The following SLC28A1 variants were observed in gnomAD, a reference collection of about 807,000 sequenced individuals.
SLC28A1 encodes sodium/nucleoside cotransporter 1.
In SLC28A1, 64 loss-of-function variants were observed where a neutral mutation model predicts 74.8. That is an observed-to-expected ratio of 0.86 (90% confidence interval 0.70 to 1.05). SLC28A1 has a LOEUF of 1.05. SLC28A1 is among the 50% of genes least tolerant of loss of function. SLC28A1 has a pLI of 0.00. For synonymous variants in SLC28A1, 359 were observed against 335.0 expected, an observed-to-expected ratio of 1.07 and a Z score of -0.78; for missense variants, 828 against 822.8, an observed-to-expected ratio of 1.01 and a Z score of -0.08.
chr15:84,940,303 G>T (rs543159079), intron 15 of SLC28A1, among the ~76,000 whole-genome samples: 1 of 152,208 alleles, frequency 6.6e-6, no homozygotes, highest in South Asian at 2.1e-4. Context: ...GGCAAGGTTG[G>T]TGGCTATTGA....
At chr15:84,913,611 G>A (rs916598069) in intron 9 of SLC28A1, among the ~76,000 whole-genome samples, 1 of 152,196 alleles carries the variant, frequency 6.6e-6, no homozygotes, top group African/African-American at 2.4e-5. Flanking sequence ...GCTGGTCCAC[G>A]TGCTGAGAAC....
At chr15:84,965,905 G>T in the SLC28A1 span, among the ~76,000 whole-genome samples, 12 of 150,800 alleles carry the variant, frequency 8.0e-5, no homozygotes, top group South Asian at 6.3e-4. Context: ...AGGCGGGGAG[G>T]GGGGGGAAAT....
At chr15:84,952,778 A>G in the SLC28A1 span, among the ~76,000 whole-genome samples, 1 of 151,790 alleles carries the variant, frequency 6.6e-6, no homozygotes, top group South Asian at 2.1e-4. Flanking sequence ...AGTCCCAGCC[A>G]CTCCTGGGAG....
chr15:84,919,469 T>C (rs1969543083), intron 10 of SLC28A1, among the ~76,000 whole-genome samples: 1 of 152,214 alleles, frequency 6.6e-6, no homozygotes, highest in Admixed American at 6.5e-5. Context: ...AAGAGATTTA[T>C]TTGGCTCATG....
chr15:84,918,458 G>C, intron 9 of SLC28A1, 66 bp from the exon 10 acceptor site: 1 of 1,272,700 alleles, frequency 7.9e-7, no homozygotes, highest in Middle Eastern at 1.9e-4. Context: ...GGTCTCCTGG[G>C]CCCCGCCTGG....
chr15:84,899,569 A>C (rs1966376560), intron 6 of SLC28A1, among the ~76,000 whole-genome samples: 1 of 152,246 alleles, frequency 6.6e-6, no homozygotes, highest in Non-Finnish European at 1.5e-5. Flanking sequence ...TTCTTGTCAA[A>C]AATGAGTGAG....
At position 84,918,813 on chromosome 15, in the gene SLC28A1, GC is replaced by G. The variant is rs1346642653; in HGVS notation, c.876+210del. Among the ~76,000 whole-genome samples the G allele has an allele frequency of 9.2e-4, 62 of 67,186 alleles. 1 individual carries two copies. Among genetic ancestry groups the G allele is most frequent in the Middle Eastern group, 6.5e-3 (1 of 154 alleles). 44.1% of individuals were successfully genotyped at this position (67,186 alleles called of 152,430 possible). A position where few individuals can be genotyped will look rare whatever the true frequency, so the allele number is the denominator to read the frequency against. On this transcript the variant is annotated intron_variant, in intron 10 of 18. Transcript: ENST00000394573. ...GTTCCACACCTTTCTGGAATCCTTT[GC>G]TCCTGAGGCCCATACCTTCCCAGAA...
intron 10 of SLC28A1, among the ~76,000 whole-genome samples, chr15:84,920,354 G>A (rs896597016): frequency 6.6e-6 from 1 of 152,110 alleles, no homozygotes; most frequent in Admixed American, 6.5e-5. Flanking sequence ...GCTGAGGCAG[G>A]AGAGTTGCTT....
At chr15:84,942,253 C>T (rs559530089) in intron 15 of SLC28A1, among the ~76,000 whole-genome samples, 2 of 152,262 alleles carry the variant, frequency 1.3e-5, no homozygotes, top group East Asian at 3.9e-4. Flanking sequence ...GGGTATCCAT[C>T]CCCTCGAGCA....
the SLC28A1 span, among the ~76,000 whole-genome samples, chr15:84,952,560 C>T: frequency 6.6e-6 from 1 of 152,196 alleles, no homozygotes; most frequent in Non-Finnish European, 1.5e-5. Context: ...CATTTTTATC[C>T]CAGCAAAACT....
At chr15:84,897,311 G>T (rs565200690) in intron 6 of SLC28A1, among the ~76,000 whole-genome samples, 1 of 151,500 alleles carries the variant, frequency 6.6e-6, no homozygotes, top group South Asian at 2.1e-4. Context: ...ACTTGAACCC[G>T]GGAGGCAGAG....
intron 12 of SLC28A1, among the ~76,000 whole-genome samples, chr15:84,931,792 A>G (rs1971334108): frequency 6.6e-6 from 1 of 151,956 alleles, no homozygotes; most frequent in African/African-American, 2.4e-5. Flanking sequence ...TCACGAGGTC[A>G]GGAGTTCGAG....
At chr15:84,944,168 A>G (rs1973040717) in intron 16 of SLC28A1, among the ~76,000 whole-genome samples, 1 of 152,188 alleles carries the variant, frequency 6.6e-6, no homozygotes, top group Non-Finnish European at 1.5e-5. Context: ...TACAAATAAC[A>G]TTTCCAGTCC....
intron 12 of SLC28A1, among the ~76,000 whole-genome samples, chr15:84,928,893 G>T (rs2141976406): frequency 6.6e-6 from 1 of 151,890 alleles, no homozygotes; most frequent in Admixed American, 6.6e-5. Context: ...AAACTGCTGG[G>T]ATTACAGGCA....
At chr15:84,937,789 C>A (rs921312879) in intron 15 of SLC28A1, among the ~76,000 whole-genome samples, 5 of 152,018 alleles carry the variant, frequency 3.3e-5, no homozygotes, top group African/African-American at 9.7e-5. Context: ...TAGTCCCAGT[C>A]CTTGTGCTGA....
the SLC28A1 span, among the ~76,000 whole-genome samples, chr15:84,966,646 C>A: frequency 6.6e-6 from 1 of 152,180 alleles, no homozygotes; most frequent in Non-Finnish European, 1.5e-5. Context: ...GGAGGCCTCA[C>A]AATCATGGCA....
At chr15:84,964,923 G>T in the SLC28A1 span, among the ~76,000 whole-genome samples, 1 of 152,190 alleles carries the variant, frequency 6.6e-6, no homozygotes. Flanking sequence ...GGAGCAGGAG[G>T]GAATGATTGA....
At chr15:84,887,676 C>T (rs1020835977) in intron 2 of SLC28A1, 69 bp from the exon 3 acceptor site, 11 of 1,585,154 alleles carry the variant, frequency 6.9e-6, no homozygotes, top group South Asian at 3.4e-5. Context: ...TCCCCTTTCC[C>T]CGGGCCCCTA....
chr15:84,895,779 C>A, intron 6 of SLC28A1: 2 of 1,186,902 alleles, frequency 1.7e-6, no homozygotes, highest in South Asian at 2.1e-5. Context: ...GTTTCTATGG[C>A]TTAAAAAAAA....
Sources: allele counts gnomAD v4.1 joint callset (sites outside exome capture counted in the v4.1 genomes callset), GRCh38; gene constraint gnomAD v4.1.1; transcripts MANE v1.5; gene names NCBI Gene and HGNC (gene_info 2026-07-23, HGNC 2026-07-21).